The following NRN1 variants were observed in gnomAD, a reference collection of about 807,000 sequenced individuals.
NRN1 encodes the protein neuritin.
NRN1 carries 4 observed loss-of-function variants against 15.0 expected under a neutral mutation model. That is an observed-to-expected ratio of 0.27 (90% CI 0.13 to 0.61). The LOEUF (loss-of-function observed/expected upper bound fraction) is 0.61, where lower values mean the gene tolerates loss of function less well. NRN1 is among the 20% of genes least tolerant of loss of function. The pLI, the probability that NRN1 is intolerant of heterozygous loss-of-function variation, is 0.87. For synonymous variants in NRN1, 85 were observed against 79.8 expected, an observed-to-expected ratio of 1.07 and a Z score of -0.35; for missense variants, 134 against 181.9, an observed-to-expected ratio of 0.74 and a Z score of 1.51.
chr6:6,007,154 G>A (rs1309851555), upstream of NRN1, among the ~76,000 whole-genome samples: 1 of 152,074 alleles, frequency 6.6e-6, no homozygotes, highest in Non-Finnish European at 1.5e-5. Context: ...CAATTAATGT[G>A]CGATCTGAAC....
intron 1 of NRN1, chr6:6,004,023 G>A (rs905300351): frequency 1.7e-6 from 2 of 1,195,984 alleles, no homozygotes; most frequent in African/African-American, 1.6e-5. Flanking sequence ...AGACGCCGAA[G>A]AGGAAGGTGA....
At chr6:6,001,534 G>C (rs1757944762) in intron 2 of NRN1, among the ~76,000 whole-genome samples, 1 of 152,146 alleles carries the variant, frequency 6.6e-6, no homozygotes, top group African/African-American at 2.4e-5. Context: ...ATCACCACTG[G>C]ACCTGGCTAT....
intron 2 of NRN1, among the ~76,000 whole-genome samples, chr6:6,001,142 T>C (rs1416927022): frequency 6.6e-6 from 1 of 152,238 alleles, no homozygotes; most frequent in African/African-American, 2.4e-5. Flanking sequence ...TAGTAGGCAC[T>C]GGGGCGTTTA....
intron 1 of NRN1, chr6:6,002,821 C>A (rs1314503823): frequency 4.6e-6 from 2 of 432,688 alleles, no homozygotes; most frequent in African/African-American, 2.0e-5. Flanking sequence ...GCCCCCTCTT[C>A]TCACCTCCCT....
Position 6,006,820 on chromosome 6 carries a change from C to A in NRN1, c.-71G>T. On this transcript the variant is annotated 5_prime_UTR_variant, in exon 1 of 3. Coordinates refer to ENST00000244766, the MANE Select transcript of NRN1 (RefSeq NM_016588.3). ...TAGTTTAGAGAACGCGGGGGAAAGCCAAAAAATAGGCATTGCCAACAAGTT... is the reference window on the plus strand; with the variant it reads ...TAGTTTAGAGAACGCGGGGGAAAGCAAAAAAATAGGCATTGCCAACAAGTT... 1 of 1,424,476 alleles carries A rather than the reference C, an allele frequency of 7.0e-7. No homozygotes were observed. The highest frequency in any genetic ancestry group is 9.9e-7 in the Non-Finnish European group (1 of 1,009,492). 88.2% of individuals were successfully genotyped at this position (1,424,476 alleles called of 1,614,324 possible). A position where few individuals can be genotyped will look rare whatever the true frequency, so the allele number is the denominator to read the frequency against.
chr6:5,998,989 C>A lies in NRN1; in HGVS notation c.416G>T (p.Trp139Leu), dbSNP rs767103201. 6.2e-7 allele frequency: 1 copy of A among 1,611,496 alleles called. No homozygotes were observed. Among genetic ancestry groups the A allele is most frequent in the Non-Finnish European group, 8.5e-7 (1 of 1,179,100 alleles). Residue 139 changes from tryptophan to leucine, a missense_variant, in exon 3 of 3, where the codon TGG (tryptophan) becomes TTG (leucine). Trp to Leu is a moderately conservative substitution (Grantham distance 61). Coordinates refer to ENST00000244766, the MANE Select transcript of NRN1 (RefSeq NM_016588.3). ...CTGGCCCCACGCTCAGAAGGAAAGCCAGGTCGCTAAAGCTGCCGAGAGAGA... is the reference window on the plus strand; with the variant it reads ...CTGGCCCCACGCTCAGAAGGAAAGCAAGGTCGCTAAAGCTGCCGAGAGAGA... ...LVSLSAALAT[W>L]LSF is the part of the protein sequence containing the mutation.
chr6:6,005,937 C>A (rs1478844330), intron 1 of NRN1, among the ~76,000 whole-genome samples: 2 of 152,212 alleles, frequency 1.3e-5, no homozygotes, highest in East Asian at 1.9e-4. Context: ...CATAACCAAT[C>A]CCAAACAAAC....
intron 1 of NRN1, among the ~76,000 whole-genome samples, chr6:6,003,477 T>C (rs1237904780): frequency 6.6e-6 from 1 of 152,092 alleles, no homozygotes; most frequent in East Asian, 1.9e-4. Flanking sequence ...GAGGCTGTTC[T>C]TCTCCAGGTG....
chr6:6,002,789 C>T (rs372714960), intron 1 of NRN1: 21 of 442,888 alleles, frequency 4.7e-5, no homozygotes, highest in Middle Eastern at 5.8e-4. Flanking sequence ...CATCTCGCTC[C>T]GTATCTTTTT....
chr6:5,999,004 G>A lies in NRN1; in HGVS notation c.401C>T (p.Ala134Val). The change falls in exon 3 of 3, where the codon GCA becomes GTA. Residue 134 changes from alanine to valine, a missense_variant. Coordinates refer to ENST00000244766, the MANE Select transcript of NRN1 (RefSeq NM_016588.3). ...GAAGGAAAGCCAGGTCGCTAAAGCTGCCGAGAGAGACACCAGGAGCACCGG... is the reference window on the plus strand; with the variant it reads ...GAAGGAAAGCCAGGTCGCTAAAGCTACCGAGAGAGACACCAGGAGCACCGG... Reference protein sequence around the residue: ...AFPVLLVSLSAALATWLSF With the variant: ...AFPVLLVSLSVALATWLSF 1 of 1,612,820 alleles carries A rather than the reference G, an allele frequency of 6.2e-7. No individual in the cohort carries two copies. The highest frequency in any genetic ancestry group is 8.5e-7 in the Non-Finnish European group (1 of 1,179,592).
intron 1 of NRN1, chr6:6,003,422 C>T (rs1321630363): frequency 4.3e-6 from 2 of 468,084 alleles, no homozygotes; most frequent in Non-Finnish European, 6.9e-6. Flanking sequence ...TAACAACCCA[C>T]CCGCCCGCCA....
chr6:6,002,852 C>G (rs1757994182), intron 1 of NRN1: 2 of 379,746 alleles, frequency 5.3e-6, no homozygotes, highest in Admixed American at 8.7e-5. Context: ...ATTTCTCTTT[C>G]TCCTCGCTCC....
intron 1 of NRN1, chr6:6,003,207 C>T: frequency 8.1e-7 from 1 of 1,234,404 alleles, no homozygotes; most frequent in Non-Finnish European, 1.0e-6. Context: ...TCGGATGCAC[C>T]CTCTCCCGCC....
chr6:6,003,975 G>C, intron 1 of NRN1: 1 of 1,220,926 alleles, frequency 8.2e-7, no homozygotes, highest in South Asian at 4.3e-5. Context: ...TCAATCCCCC[G>C]GCCCCCAACG....
At chr6:6,002,949 C>T (rs1164793179) in intron 1 of NRN1, 2 of 399,688 alleles carry the variant, frequency 5.0e-6, no homozygotes, top group Admixed American at 4.2e-5. Context: ...GAAGGGGTCT[C>T]GGCTGCAGCG....
At chr6:6,003,672 C>T in intron 1 of NRN1, 2 of 1,230,984 alleles carry the variant, frequency 1.6e-6, no homozygotes, top group Non-Finnish European at 2.0e-6. Context: ...GACGGCCAAA[C>T]CCCGAGGCGC....
At chr6:6,003,990 C>A in intron 1 of NRN1, 4 of 1,214,824 alleles carry the variant, frequency 3.3e-6, no homozygotes, top group Non-Finnish European at 4.1e-6. Flanking sequence ...CCAACGCGGG[C>A]GCCTGTCCGC....
intron 1 of NRN1, among the ~76,000 whole-genome samples, chr6:6,006,486 T>C (rs537568257): frequency 9.2e-4 from 140 of 152,280 alleles, no homozygotes; most frequent in Non-Finnish European, 1.3e-3. Flanking sequence ...GCCGCACACA[T>C]TTCCTGGCGA....
Position 5,998,282 on chromosome 6 carries a change from T to C in NRN1, c.*694A>G, listed in dbSNP as rs898438727. On this transcript the variant is annotated 3_prime_UTR_variant, in exon 3 of 3. Coordinates refer to ENST00000244766, the MANE Select transcript of NRN1 (RefSeq NM_016588.3). ...AAGGCAGTGAACTTGGACGGATGCA[T>C]CAACAACAGCAGATAAAGCTAACCC... The C allele has an allele frequency of 6.6e-6, 1 of 152,200 alleles. No individual in the cohort carries two copies. The highest frequency in any genetic ancestry group is 1.5e-5 in the Non-Finnish European group (1 of 68,094). 9.4% of individuals were successfully genotyped at this position (152,200 alleles called of 1,614,324 possible).
Sources: allele counts gnomAD v4.1 joint callset (sites outside exome capture counted in the v4.1 genomes callset), GRCh38; gene constraint gnomAD v4.1.1; transcripts MANE v1.5; gene names NCBI Gene and HGNC (gene_info 2026-07-23, HGNC 2026-07-21).